Variants in PNPLA1 observed in about 807,000 individuals in gnomAD.
PNPLA1 encodes patatin like domain 1, omega-hydroxyceramide transacylase, also known as omega-hydroxyceramide transacylase.
Under a neutral mutation model 51.7 loss-of-function variants are expected in PNPLA1, and 36 were observed. That is an observed-to-expected ratio of 0.70 (90% CI 0.53 to 0.92). PNPLA1 has a LOEUF of 0.92. Among genes scored for constraint, PNPLA1 ranks in the 40% least tolerant of loss-of-function variants. The pLI is 0.00. For missense variants in PNPLA1, 658 were observed against 682.5 expected (o/e 0.96, Z 0.40); for synonymous variants, 293 against 280.1 (o/e 1.05, Z -0.46).
At chr6:36,252,290 G>A (rs1466701316) in intron 1 of PNPLA1, among the ~76,000 whole-genome samples, 3 of 152,164 alleles carry the variant, frequency 2.0e-5, no homozygotes, top group African/African-American at 4.8e-5. Flanking sequence ...TTTCTCCCCA[G>A]TAAAACTAGT....
chr6:36,276,516 G>T (rs557706633), intron 1 of PNPLA1, among the ~76,000 whole-genome samples: 53 of 152,336 alleles, frequency 3.5e-4, no homozygotes, highest in Middle Eastern at 6.8e-3. Flanking sequence ...AGGAGGGGTG[G>T]TCTCCGTGAT....
chr6:36,252,979 G>A (rs1052010298), intron 1 of PNPLA1, among the ~76,000 whole-genome samples: 15 of 152,128 alleles, frequency 9.9e-5, no homozygotes, highest in African/African-American at 3.4e-4. Context: ...TCAGGGGTTC[G>A]AAACCAGCCT....
At chr6:36,290,707 C>G (rs1336224126) in intron 1 of PNPLA1, among the ~76,000 whole-genome samples, 1 of 152,166 alleles carries the variant, frequency 6.6e-6, no homozygotes, top group African/African-American at 2.4e-5. Context: ...TTACATAGTC[C>G]ATATCTCAGG....
chr6:36,305,093 C>G (rs186387150), intron 6 of PNPLA1, among the ~76,000 whole-genome samples: 1 of 152,330 alleles, frequency 6.6e-6, no homozygotes, highest in African/African-American at 2.4e-5. Context: ...CTGAGACCCC[C>G]TAGAGCAAGT....
intron 1 of PNPLA1, among the ~76,000 whole-genome samples, chr6:36,262,516 T>C (rs568246057): frequency 4.8e-4 from 73 of 152,342 alleles, no homozygotes; most frequent in African/African-American, 1.6e-3. Context: ...TTTACTGTAA[T>C]GGAAGTAACA....
At chr6:36,265,393 A>G (rs1769739828), upstream of PNPLA1, among the ~76,000 whole-genome samples, 1 of 152,196 alleles carries the variant, frequency 6.6e-6, no homozygotes, top group Admixed American at 6.5e-5. Context: ...AGGGGTAGGG[A>G]AGAGAAAAAA....
At chr6:36,311,081 GA>G (rs1015558221) in intron 8 of PNPLA1, among the ~76,000 whole-genome samples, 1 of 152,238 alleles carries the variant, frequency 6.6e-6, no homozygotes, top group African/African-American at 2.4e-5. Context: ...TAGGAATGCA[GA>G]TTCTTGGGCT....
chr6:36,284,139 C>T (rs1347826736), intron 1 of PNPLA1, among the ~76,000 whole-genome samples: 1 of 152,164 alleles, frequency 6.6e-6, no homozygotes, highest in Non-Finnish European at 1.5e-5. Flanking sequence ...GGCTGAGGCC[C>T]CAGGCCCTCT....
intron 3 of PNPLA1, 38 bp downstream of exon 3, chr6:36,293,164 C>T: frequency 6.3e-7 from 1 of 1,596,626 alleles, no homozygotes; most frequent in South Asian, 1.1e-5. Flanking sequence ...AGATGGGATC[C>T]AAGGGACCTC....
At chr6:36,300,712 A>G (rs1300965396) in intron 5 of PNPLA1, among the ~76,000 whole-genome samples, 3 of 152,158 alleles carry the variant, frequency 2.0e-5, no homozygotes, top group African/African-American at 7.2e-5. Flanking sequence ...GGTAGTGTCC[A>G]TCGGGTTTCT....
chr6:36,267,661 G>A (rs1331479036), upstream of PNPLA1, among the ~76,000 whole-genome samples: 3 of 151,940 alleles, frequency 2.0e-5, no homozygotes, highest in African/African-American at 4.8e-5. Flanking sequence ...GGGATGACCC[G>A]GAAAAAGAAA....
At chr6:36,300,178 T>TGTGTGTGTGTGTGA in intron 5 of PNPLA1, among the ~76,000 whole-genome samples, 1 of 98,088 alleles carries the variant, frequency 1.0e-5, no homozygotes, top group African/African-American at 3.3e-5. Flanking sequence ...TGTGTGTGTG[T>TGTGTGTGTGTGTGA]GAGAGAGAGA....
chr6:36,292,168 C>A (rs900401563), intron 2 of PNPLA1, among the ~76,000 whole-genome samples: 8 of 152,172 alleles, frequency 5.3e-5, no homozygotes, highest in African/African-American at 1.9e-4. Flanking sequence ...CTCCTTCCCA[C>A]ATCTCCACTC....
At chr6:36,281,972 G>A (rs528691174) in intron 1 of PNPLA1, among the ~76,000 whole-genome samples, 12 of 150,326 alleles carry the variant, frequency 8.0e-5, no homozygotes, top group East Asian at 7.8e-4. Context: ...GCAGTGAGCC[G>A]AGATCGCACC....
At chr6:36,276,722 G>C in intron 1 of PNPLA1, among the ~76,000 whole-genome samples, 1 of 151,986 alleles carries the variant, frequency 6.6e-6, no homozygotes, top group Non-Finnish European at 1.5e-5. Flanking sequence ...AAGCCAATCT[G>C]TCCGTCCCTT....
At chr6:36,305,578 A>G (rs1456925178) in intron 6 of PNPLA1, among the ~76,000 whole-genome samples, 1 of 152,078 alleles carries the variant, frequency 6.6e-6, no homozygotes, top group Non-Finnish European at 1.5e-5. Context: ...ACATGTAAAG[A>G]GCTTACTTAA....
chr6:36,296,320 C>G (rs1770855991), intron 5 of PNPLA1, among the ~76,000 whole-genome samples: 1 of 152,158 alleles, frequency 6.6e-6, no homozygotes, highest in African/African-American at 2.4e-5. Context: ...TATTTAGAAT[C>G]AATTATTTTC....
chr6:36,271,671 T>C (rs986274725), intron 1 of PNPLA1, among the ~76,000 whole-genome samples: 13 of 152,170 alleles, frequency 8.5e-5, no homozygotes, highest in African/African-American at 2.9e-4. Context: ...TAGAACAAGC[T>C]ACTGGGAGCT....
chr6:36,274,454 T>G (rs936955698), intron 1 of PNPLA1, among the ~76,000 whole-genome samples: 1 of 152,134 alleles, frequency 6.6e-6, no homozygotes, highest in Non-Finnish European at 1.5e-5. Context: ...AGCAAAAGTC[T>G]CATCGTTAGT....
Sources: allele counts gnomAD v4.1 joint callset (sites outside exome capture counted in the v4.1 genomes callset), GRCh38; gene constraint gnomAD v4.1.1; transcripts MANE v1.5; gene names NCBI Gene and HGNC (gene_info 2026-07-23, HGNC 2026-07-21).